POLA1: variants seen among roughly 807,000 people sequenced by gnomAD.
POLA1 encodes DNA polymerase alpha catalytic subunit.
A neutral mutation model predicts 124.0 loss-of-function variants in POLA1; 15 were observed. The observed-to-expected ratio is 0.12, with a 90% CI of 0.08 to 0.19. POLA1 has a LOEUF of 0.19. POLA1 is among the 10% of genes least tolerant of loss of function. The probability of loss-of-function intolerance (pLI) is 1.00; values close to 1 mark genes in which losing one functional copy is unlikely to be tolerated. For missense variants in POLA1, 886 were observed against 1,103.4 expected, an observed-to-expected ratio of 0.80 and a Z score of 2.79; for synonymous variants, 408 against 389.4, an observed-to-expected ratio of 1.05 and a Z score of -0.56.
chrX:24,932,683 G>A (rs766705726), intron 36 of POLA1, among the ~76,000 whole-genome samples: 2 of 111,457 alleles, frequency 1.8e-5, no homozygotes, highest in South Asian at 3.8e-4. Context: ...AAAATAAGAC[G>A]AGAAGAGAAA....
chrX:24,888,230 T>C (rs2047090343), intron 35 of POLA1, 108 bp downstream of exon 35: 1 of 448,003 alleles, frequency 2.2e-6, no homozygotes, highest in African/African-American at 2.4e-5. Context: ...TACTACCATA[T>C]GCATATACTA....
At chrX:24,955,854 T>C (rs2048100200) in intron 36 of POLA1, among the ~76,000 whole-genome samples, 1 of 112,256 alleles carries the variant, frequency 8.9e-6, no homozygotes, top group African/African-American at 3.2e-5. Flanking sequence ...ACCAGTTTGT[T>C]ATATTGTAGT....
intron 35 of POLA1, among the ~76,000 whole-genome samples, chrX:24,910,053 A>G (rs2047425655): frequency 9.1e-6 from 1 of 109,823 alleles, no homozygotes; most frequent in Non-Finnish European, 1.9e-5. Context: ...TTATTGGTGT[A>G]TAAGAATGCT....
chrX:24,705,812 T>G (rs1314710857), intron 4 of POLA1, among the ~76,000 whole-genome samples: 2 of 111,240 alleles, frequency 1.8e-5, no homozygotes, highest in Non-Finnish European at 3.8e-5. Flanking sequence ...TACTTTGTTG[T>G]GCTTAGATTT....
intron 26 of POLA1, among the ~76,000 whole-genome samples, chrX:24,757,791 A>T (rs1345099411): frequency 6.3e-5 from 7 of 111,388 alleles, no homozygotes; most frequent in Non-Finnish European, 7.5e-5. Context: ...ATGCTCATGG[A>T]GCATTTTGTA....
At chrX:24,715,832 C>T (rs968387595) in intron 6 of POLA1, among the ~76,000 whole-genome samples, 5 of 110,740 alleles carry the variant, frequency 4.5e-5, no homozygotes, top group Admixed American at 3.9e-4. Context: ...GTGTATGTTC[C>T]CTAAATAGAT....
intron 26 of POLA1, among the ~76,000 whole-genome samples, chrX:24,757,857 T>A (rs1310328628): frequency 9.0e-6 from 1 of 111,622 alleles, no homozygotes; most frequent in Admixed American, 9.5e-5. Context: ...ATTCCAAAAT[T>A]CCAAATTCAA....
At chrX:24,806,034 A>G (rs1414368174) in intron 26 of POLA1, among the ~76,000 whole-genome samples, 1 of 69,678 alleles carries the variant, frequency 1.4e-5, no homozygotes, top group African/African-American at 5.4e-5. Flanking sequence ...TGACTTCTAG[A>G]ACATTTATGT....
intron 34 of POLA1, among the ~76,000 whole-genome samples, chrX:24,866,960 T>C (rs897226936): frequency 1.8e-5 from 2 of 112,001 alleles, no homozygotes; most frequent in South Asian, 7.3e-4. Flanking sequence ...TTTCTTCATT[T>C]GAGGTAAAAA....
chrX:24,749,359 CAG>C (rs1473037687), intron 26 of POLA1, among the ~76,000 whole-genome samples: 1 of 111,193 alleles, frequency 9.0e-6, no homozygotes, highest in Non-Finnish European at 1.9e-5. Context: ...TTTGGGAAAA[CAG>C]ACTTTAAATA....
chrX:24,839,498 C>T (rs748327660), intron 32 of POLA1, among the ~76,000 whole-genome samples: 21 of 111,845 alleles, frequency 1.9e-4, no homozygotes, highest in Admixed American at 1.7e-3. Context: ...CAAGATGGCC[C>T]ACACCCACTT....
intron 36 of POLA1, among the ~76,000 whole-genome samples, chrX:24,966,199 T>G (rs780991929): frequency 6.2e-5 from 7 of 112,436 alleles, no homozygotes; most frequent in Non-Finnish European, 1.1e-4. Flanking sequence ...GTTCTACATA[T>G]TAGACTTTAA....
intron 32 of POLA1, among the ~76,000 whole-genome samples, chrX:24,840,020 G>A (rs537753032): frequency 8.9e-6 from 1 of 111,901 alleles, no homozygotes; most frequent in Non-Finnish European, 1.9e-5. Flanking sequence ...TCTCTTAGGG[G>A]TTAGGTAACT....
chrX:24,723,279 TGA>T lies in POLA1; in HGVS notation c.1200+13_1200+14del. 2 of 1,064,767 alleles carry T rather than the reference TGA, an allele frequency of 1.9e-6. No homozygotes were observed. The highest frequency in any genetic ancestry group is 2.6e-6 in the Non-Finnish European group (2 of 762,603). The allele number at this position is 1,064,767 out of a possible 1,213,427, so 87.7% of individuals were successfully genotyped here. On this transcript the variant is annotated intron_variant, in intron 11 of 36. Transcript: ENST00000379068. The stretch of plus-strand genomic sequence containing the variant: ...TTCCCCGTGAAATGGTAAACATTAG[TGA>T]TTAGCTTTTAGTTCTCAGTCGTTGT...
chrX:24,859,006 T>C (rs1169380107), intron 34 of POLA1, among the ~76,000 whole-genome samples: 2 of 111,519 alleles, frequency 1.8e-5, no homozygotes, highest in East Asian at 5.6e-4. Flanking sequence ...CCTCCAGTAT[T>C]TCCCAGCCCA....
In POLA1 at chrX:24,732,440, A is replaced by G. The variant is rs2148373071; in HGVS notation, c.1757A>G (p.Gln586Arg). The G allele has an allele frequency of 8.6e-7, 1 of 1,164,824 alleles. No individual in the cohort carries two copies. The highest frequency in any genetic ancestry group is 1.2e-6 in the Non-Finnish European group (1 of 853,091). The change falls in exon 16 of 37, where the codon CAG (glutamine) becomes CGG (arginine). Residue 586 changes from glutamine (Q) to arginine (R), a missense_variant. Physicochemically the swap from Gln to Arg is conservative, Grantham distance 43. This residue lies in a region of POLA1 where 337 missense variants were observed against 402.8 expected (regional missense o/e 0.84). Transcript: ENST00000379068. ...AAAGCAGCCCCAAAGCCTCCCTTTC[A>G]GTCACACTTCTGTGGTATGTATTTT... Reference protein sequence around the residue: ...LDKAAPKPPFQSHFCVVSKPK... With the variant: ...LDKAAPKPPFRSHFCVVSKPK...
At chrX:24,937,124 C>T (rs958260458) in intron 36 of POLA1, among the ~76,000 whole-genome samples, 6 of 111,495 alleles carry the variant, frequency 5.4e-5, no homozygotes, top group African/African-American at 2.0e-4. Context: ...TCTGACTTGA[C>T]AGTTCAGAAC....
chrX:24,911,880 A>G (rs1465731845), intron 35 of POLA1, among the ~76,000 whole-genome samples: 1 of 112,398 alleles, frequency 8.9e-6, no homozygotes, highest in African/African-American at 3.2e-5. Context: ...GATGGAACAG[A>G]TAACCTCAGT....
In POLA1 at chrX:24,789,100, A is replaced by C. The variant is rs1252407027; in HGVS notation, c.2965-20798A>C. On this transcript the variant is annotated intron_variant, in intron 26 of 36. Transcript: ENST00000379068. ...CGGCTGTATCCGAGAGCTGGGGAGC[A>C]GCAGAAAGAGCCCACTTTTACTACT... is the stretch of plus-strand genomic sequence containing the variant. 7 of 1,163,912 alleles carry C rather than the reference A, an allele frequency of 6.0e-6. No homozygotes were observed. In the East Asian group the frequency reaches 1.8e-4, roughly 30 times the overall value.
Sources: gnomAD v4.1 joint callset for allele counts (sites outside exome capture counted in the v4.1 genomes callset) on GRCh38, gnomAD v4.1.1 for gene constraint, gnomAD v4.1.1 regional missense constraint, MANE v1.5 for transcripts, NCBI Gene and HGNC (gene_info 2026-07-23, HGNC 2026-07-21) for gene names.